Variants in UBE2E2 observed in about 807,000 individuals in gnomAD.
The protein encoded by UBE2E2 is ubiquitin conjugating enzyme E2 E2.
Under a neutral mutation model 24.7 loss-of-function variants are expected in UBE2E2, and 6 were observed. That is an observed-to-expected ratio of 0.24 (90% CI 0.13 to 0.48). The LOEUF is 0.48. Among genes scored for constraint, UBE2E2 ranks in the 20% least tolerant of loss-of-function variants. The pLI is 0.99. For missense variants in UBE2E2, 169 were observed against 245.0 expected, an observed-to-expected ratio of 0.69 and a Z score of 2.07; for synonymous variants, 104 against 83.6, an observed-to-expected ratio of 1.24 and a Z score of -1.33.
chr3:23,242,145 G>T (rs566470986), intron 3 of UBE2E2, among the ~76,000 whole-genome samples: 2 of 152,012 alleles, frequency 1.3e-5, no homozygotes, highest in African/African-American at 4.8e-5. Flanking sequence ...TGAAACTCAT[G>T]ACCTCCTGCC....
At chr3:23,286,692 C>T (rs538676966) in intron 3 of UBE2E2, among the ~76,000 whole-genome samples, 6 of 152,132 alleles carry the variant, frequency 3.9e-5, no homozygotes, top group African/African-American at 9.6e-5. Context: ...TGGAGAATGT[C>T]GTTGGTATTT....
intron 2 of UBE2E2, among the ~76,000 whole-genome samples, chr3:23,211,363 G>A (rs1014728308): frequency 4.0e-5 from 6 of 150,906 alleles, no homozygotes; most frequent in South Asian, 2.1e-4. Flanking sequence ...CAGCATCTAC[G>A]TTTGAATCTA....
intron 3 of UBE2E2, among the ~76,000 whole-genome samples, chr3:23,299,415 G>A (rs1241989062): frequency 4.0e-5 from 6 of 151,720 alleles, no homozygotes; most frequent in African/African-American, 1.5e-4. Flanking sequence ...TCTCTTGTGG[G>A]CATTTAGTGC....
intron 3 of UBE2E2, among the ~76,000 whole-genome samples, chr3:23,381,931 TA>T (rs1696680048): frequency 6.6e-6 from 1 of 152,164 alleles, no homozygotes; most frequent in Admixed American, 6.5e-5. Flanking sequence ...AATGGCTGCT[TA>T]CTGTGGGGTC....
At chr3:23,380,357 C>T (rs985711466) in intron 3 of UBE2E2, among the ~76,000 whole-genome samples, 3 of 152,206 alleles carry the variant, frequency 2.0e-5, no homozygotes, top group African/African-American at 7.2e-5. Flanking sequence ...CAGGCACATG[C>T]CGTGACTACA....
At chr3:23,254,261 C>T (rs898689271) in intron 3 of UBE2E2, among the ~76,000 whole-genome samples, 1 of 152,314 alleles carries the variant, frequency 6.6e-6, no homozygotes, top group Non-Finnish European at 1.5e-5. Flanking sequence ...ATACCAATCA[C>T]ACTTTATTAA....
At chr3:23,479,329 A>T (rs1246051260) in intron 3 of UBE2E2, among the ~76,000 whole-genome samples, 1 of 152,208 alleles carries the variant, frequency 6.6e-6, no homozygotes, top group African/African-American at 2.4e-5. Flanking sequence ...TGGCTAGATC[A>T]GACGTACCAC....
chr3:23,409,145 T>G (rs1697439541), intron 3 of UBE2E2, among the ~76,000 whole-genome samples: 1 of 152,222 alleles, frequency 6.6e-6, no homozygotes, highest in Non-Finnish European at 1.5e-5. Flanking sequence ...TGGATTGTGT[T>G]GCCATTCCTT....
At chr3:23,533,619 ATTTT>A (rs759984741) in intron 5 of UBE2E2, among the ~76,000 whole-genome samples, 2 of 108,508 alleles carry the variant, frequency 1.8e-5, no homozygotes, top group Admixed American at 1.1e-4. Flanking sequence ...GCAAATTAGT[ATTTT>A]TTTTTTTTTT....
chr3:23,226,519 T>C lies in UBE2E2; in HGVS notation c.227+9207T>C, dbSNP rs138691500. On this transcript the variant is annotated intron_variant, in intron 3 of 5. Coordinates refer to ENST00000396703, the MANE Select transcript of UBE2E2 (RefSeq NM_152653.4). ...CCTCCCAAAGTGTTGGAATTACAGG[T>C]GTGAGCCACTGCGCCCGGCCAGGAA... Among the ~76,000 whole-genome samples the C allele has an allele frequency of 8.1e-4, 124 of 152,264 alleles. No homozygotes were observed. The East Asian group carries it at 0.019, about 23-fold the overall frequency.
At chr3:23,293,772 A>G (rs1036017978) in intron 3 of UBE2E2, among the ~76,000 whole-genome samples, 4 of 152,190 alleles carry the variant, frequency 2.6e-5, no homozygotes, top group African/African-American at 9.7e-5. Flanking sequence ...AAAGTAAGGT[A>G]GGAGATATAC....
At chr3:23,268,802 A>G (rs922042152) in intron 3 of UBE2E2, among the ~76,000 whole-genome samples, 2 of 151,124 alleles carry the variant, frequency 1.3e-5, no homozygotes, top group African/African-American at 2.4e-5. Context: ...ACTTCAAACT[A>G]TACTACAAGG....
chr3:23,582,784 G>A (rs146824624), intron 5 of UBE2E2, among the ~76,000 whole-genome samples: 1 of 151,830 alleles, frequency 6.6e-6, no homozygotes, highest in East Asian at 1.9e-4. Flanking sequence ...TGTAGACTCT[G>A]GATATTAGAC....
chr3:23,589,855 G>T lies in UBE2E2; in HGVS notation c.*24G>T, dbSNP rs375714971. On this transcript the variant is annotated 3_prime_UTR_variant, in exon 6 of 6. Transcript: ENST00000396703. The surrounding 1 kb of genome is among the most constrained non-coding windows in gnomAD (Gnocchi z 4.1). ...AGGGGCCTGCTGCCTGCCGCCCCGCGGGACCTGTGCAAGCACATTCACCAA... is the reference window on the plus strand; with the variant it reads ...AGGGGCCTGCTGCCTGCCGCCCCGCTGGACCTGTGCAAGCACATTCACCAA... 4.5e-5 allele frequency: 72 copies of T among 1,612,596 alleles called. No individual in the cohort carries two copies. Among genetic ancestry groups the T allele is most frequent in the Admixed American group, 6.7e-5 (4 of 59,986 alleles).
At chr3:23,517,755 T>C (rs1694774895) in intron 4 of UBE2E2, among the ~76,000 whole-genome samples, 1 of 152,184 alleles carries the variant, frequency 6.6e-6, no homozygotes, top group African/African-American at 2.4e-5. Flanking sequence ...GCACTATTTA[T>C]TTAAAAAGCC....
intron 4 of UBE2E2, among the ~76,000 whole-genome samples, chr3:23,501,192 C>T (rs1351975320): frequency 6.6e-6 from 1 of 152,172 alleles, no homozygotes; most frequent in Non-Finnish European, 1.5e-5. Flanking sequence ...AAAACTCAGA[C>T]CAGGCTATTG....
At chr3:23,504,438 G>C (rs1031903153) in intron 4 of UBE2E2, among the ~76,000 whole-genome samples, 1 of 152,056 alleles carries the variant, frequency 6.6e-6, no homozygotes, top group Non-Finnish European at 1.5e-5. Flanking sequence ...GATTTTCTCA[G>C]GTTAAATTTG....
chr3:23,405,618 G>A (rs546509145), intron 3 of UBE2E2, among the ~76,000 whole-genome samples: 159 of 152,224 alleles, frequency 1.0e-3, no homozygotes, highest in African/African-American at 3.6e-3. Flanking sequence ...GGAGTATAGA[G>A]GTGTCCAGGC....
intron 3 of UBE2E2, among the ~76,000 whole-genome samples, chr3:23,260,806 G>A (rs921271203): frequency 1.3e-5 from 2 of 152,162 alleles, no homozygotes; most frequent in Admixed American, 6.5e-5. Flanking sequence ...GGGGGTTGGA[G>A]GGAGACAGTA....
Sources: gnomAD v4.1 joint callset for allele counts (sites outside exome capture counted in the v4.1 genomes callset) on GRCh38, gnomAD v4.1.1 for gene constraint, Gnocchi (gnomAD v3.1) non-coding constraint, MANE v1.5 for transcripts, NCBI Gene and HGNC (gene_info 2026-07-23, HGNC 2026-07-21) for gene names.